The following PARD3 variants were observed in gnomAD, a reference collection of about 807,000 sequenced individuals.
PARD3 encodes the protein par-3 family cell polarity regulator.
A neutral mutation model predicts 155.4 loss-of-function variants in PARD3; 75 were observed. The ratio of observed to expected loss-of-function variants is 0.48; its 90% CI spans 0.40 to 0.58. The LOEUF (loss-of-function observed/expected upper bound fraction) is 0.58. Among genes scored for constraint, PARD3 ranks in the 20% least tolerant of loss-of-function variants. PARD3 has a pLI of 0.00. For missense variants in PARD3, 1,642 were observed against 1,721.7 expected (o/e 0.95, Z 0.82); for synonymous variants, 576 against 610.5 (o/e 0.94, Z 0.83).
intron 17 of PARD3, 157 bp from the exon 18 acceptor site, chr10:34,336,400 G>C (rs1012583489): frequency 1.7e-6 from 1 of 572,872 alleles, no homozygotes; most frequent in Non-Finnish European, 3.1e-6. Context: ...ATCAAAAAAG[G>C]AGGAAAAAAA....
At chr10:34,505,784 A>C (rs2081022332) in intron 3 of PARD3, among the ~76,000 whole-genome samples, 1 of 152,254 alleles carries the variant, frequency 6.6e-6, no homozygotes, top group East Asian at 1.9e-4. Flanking sequence ...GGCATCACAG[A>C]GATGCAATTA....
chr10:34,601,704 A>G (rs1296641893), intron 2 of PARD3, among the ~76,000 whole-genome samples: 1 of 152,210 alleles, frequency 6.6e-6, no homozygotes, highest in Non-Finnish European at 1.5e-5. Context: ...GGAATCCTTC[A>G]GTTTCCGACT....
At chr10:34,159,288 A>G (rs533231382) in intron 22 of PARD3, among the ~76,000 whole-genome samples, 24 of 152,290 alleles carry the variant, frequency 1.6e-4, no homozygotes, top group Admixed American at 8.5e-4. Flanking sequence ...ACTGCTACTC[A>G]TGGGCTGTTG....
chr10:34,613,260 C>G (rs967378157), intron 2 of PARD3, among the ~76,000 whole-genome samples: 6 of 152,170 alleles, frequency 3.9e-5, no homozygotes, highest in Admixed American at 3.3e-4. Flanking sequence ...TCCTGATTAA[C>G]CTGTGTGCAC....
chr10:34,403,332 T>C (rs968764488), intron 5 of PARD3, among the ~76,000 whole-genome samples: 2 of 152,180 alleles, frequency 1.3e-5, no homozygotes, highest in Non-Finnish European at 2.9e-5. Context: ...GCCATCTATA[T>C]TAGGACAGGA....
chr10:34,385,376 T>C (rs1462691775), intron 7 of PARD3, among the ~76,000 whole-genome samples: 4 of 152,152 alleles, frequency 2.6e-5, no homozygotes. Context: ...CCTCAGGTAA[T>C]CCACCCGCCT....
At chr10:34,345,334 G>T in intron 15 of PARD3, 1 of 985,340 alleles carries the variant, frequency 1.0e-6, no homozygotes, top group Non-Finnish European at 1.2e-6. Context: ...AAGCCTCAAA[G>T]CTCCGTTTAG....
chr10:34,390,121 TATTAAATTAAA>T (rs1842746517), intron 7 of PARD3, among the ~76,000 whole-genome samples: 1 of 152,204 alleles, frequency 6.6e-6, no homozygotes, highest in African/African-American at 2.4e-5. Context: ...TTTCAAAAGT[TATTAAATTAAA>T]ATTGAGTACT....
intron 4 of PARD3, among the ~76,000 whole-genome samples, chr10:34,462,458 G>A (rs79362494): frequency 0.031 from 4,727 of 152,254 alleles, 244 homozygotes; most frequent in African/African-American, 0.11. Flanking sequence ...TTTTAAAAAC[G>A]TAATTTAGAA....
chr10:34,737,968 C>G (rs867563640), intron 1 of PARD3, among the ~76,000 whole-genome samples: 38 of 152,270 alleles, frequency 2.5e-4, no homozygotes, highest in African/African-American at 7.9e-4. Flanking sequence ...TAGGCAAAGG[C>G]CCAGGAGGAA....
chr10:34,336,122 T>A, intron 18 of PARD3, 77 bp downstream of exon 18: 2 of 1,035,428 alleles, frequency 1.9e-6, no homozygotes, highest in Non-Finnish European at 3.0e-6. Flanking sequence ...ACATGGCATA[T>A]GATTGGCAGC....
chr10:34,726,783 G>A (rs1384516553), intron 1 of PARD3, among the ~76,000 whole-genome samples: 2 of 151,894 alleles, frequency 1.3e-5, no homozygotes, highest in African/African-American at 2.4e-5. Flanking sequence ...AGTGGGGGGA[G>A]GCGGGAGCGG....
chr10:34,688,530 G>C (rs1293287497), intron 2 of PARD3, among the ~76,000 whole-genome samples: 1 of 152,188 alleles, frequency 6.6e-6, no homozygotes, highest in African/African-American at 2.4e-5. Context: ...GATGCTAAGA[G>C]TAAACACGAC....
At chr10:34,159,119 T>C (rs1415994168) in intron 22 of PARD3, among the ~76,000 whole-genome samples, 1 of 152,198 alleles carries the variant, frequency 6.6e-6, no homozygotes, top group Non-Finnish European at 1.5e-5. Flanking sequence ...AGAACTTCAG[T>C]GAAAGGTGCT....
intron 2 of PARD3, among the ~76,000 whole-genome samples, chr10:34,583,482 G>A (rs139539314): frequency 2.2e-4 from 33 of 152,056 alleles, no homozygotes; most frequent in African/African-American, 7.2e-4. Context: ...AAATAAGTGA[G>A]ACTGCTAGTC....
chr10:34,681,062 A>C (rs974772376), intron 2 of PARD3, among the ~76,000 whole-genome samples: 1 of 152,148 alleles, frequency 6.6e-6, no homozygotes, highest in Non-Finnish European at 1.5e-5. Flanking sequence ...AAACACAGAA[A>C]ATTTAAGGAC....
chr10:34,422,496 A>G (rs2075367613), intron 5 of PARD3, among the ~76,000 whole-genome samples: 1 of 152,132 alleles, frequency 6.6e-6, no homozygotes, highest in African/African-American at 2.4e-5. Context: ...AACACAATGT[A>G]TGGAATAGAA....
intron 2 of PARD3, among the ~76,000 whole-genome samples, chr10:34,567,444 T>C (rs955594133): frequency 6.6e-6 from 1 of 152,224 alleles, no homozygotes; most frequent in African/African-American, 2.4e-5. Context: ...ACCAATATTA[T>C]AAACATTTAA....
chr10:34,507,463 G>A (rs2081140906), intron 3 of PARD3, among the ~76,000 whole-genome samples: 1 of 149,150 alleles, frequency 6.7e-6, no homozygotes, highest in South Asian at 2.1e-4. Context: ...AGAGGTAGCT[G>A]AGAGTACTAC....
Sources: gnomAD v4.1 joint callset for allele counts (sites outside exome capture counted in the v4.1 genomes callset) on GRCh38, gnomAD v4.1.1 for gene constraint, MANE v1.5 for transcripts, NCBI Gene and HGNC (gene_info 2026-07-23, HGNC 2026-07-21) for gene names.